The following CACNA1D variants were observed in gnomAD, a reference collection of about 807,000 sequenced individuals.
The protein encoded by CACNA1D is voltage-dependent L-type calcium channel subunit alpha-1D.
Under a neutral mutation model 257.1 loss-of-function variants are expected in CACNA1D, and 55 were observed. The observed-to-expected ratio is 0.21, with a 90% CI of 0.17 to 0.27. CACNA1D has a LOEUF of 0.27. Among genes scored for constraint, CACNA1D ranks in the 10% least tolerant of loss-of-function variants. The pLI, the probability that CACNA1D is intolerant of heterozygous loss-of-function variation, is 1.00. For synonymous variants in CACNA1D, 980 were observed against 1,014.9 expected, an observed-to-expected ratio of 0.97 and a Z score of 0.65; for missense variants, 1,876 against 2,784.0, an observed-to-expected ratio of 0.67 and a Z score of 7.34.
Position 53,722,609 on chromosome 3 carries a change from A to G in CACNA1D, c.1666+135A>G, listed in dbSNP as rs527395186. On this transcript the variant is annotated intron_variant, in intron 12 of 47. Coordinates refer to ENST00000350061, the MANE Select transcript of CACNA1D (RefSeq NM_001128840.3). ...TAGTGAGGACAAACTTGGTAGAACC[A>G]TCCAGACACAGCAACTACCAGAGCG... The G allele has an allele frequency of 1.4e-5, 13 of 921,320 alleles. No individual in the cohort carries two copies. In the East Asian group the frequency reaches 3.3e-4, roughly 23 times the overall value. 57.1% of individuals were successfully genotyped at this position (921,320 alleles called of 1,614,324 possible). A position where few individuals can be genotyped will look rare whatever the true frequency, so the allele number is the denominator to read the frequency against.
intron 3 of CACNA1D, among the ~76,000 whole-genome samples, chr3:53,529,274 T>G (rs2091870198): frequency 6.6e-6 from 1 of 152,198 alleles, no homozygotes; most frequent in African/African-American, 2.4e-5. Context: ...AATCATATGG[T>G]TTTTCTCCTT....
In CACNA1D at chr3:53,495,296, CTCCCCCT is replaced by C. The variant is rs1027541684; in HGVS notation, c.67+69_67+75del. The C allele has an allele frequency of 2.1e-5, 34 of 1,599,378 alleles. No individual in the cohort carries two copies. Among genetic ancestry groups the C allele is most frequent in the Non-Finnish European group, 2.7e-5 (32 of 1,168,612 alleles). On this transcript the variant is annotated intron_variant, in intron 1 of 47. Coordinates refer to ENST00000350061, the MANE Select transcript of CACNA1D (RefSeq NM_001128840.3). This position sits in a 1 kb window ranked among gnomAD's most constrained non-coding sequence, Gnocchi z 5.1. ...GATCCTGTCATGGTCCTCCAGCCCCCTCCCCCTTCCCCGCGGCGCTGGATGGGTTGAG... is the reference window on the plus strand; with the variant it reads ...GATCCTGTCATGGTCCTCCAGCCCCCTCCCCGCGGCGCTGGATGGGTTGAG...
At chr3:53,602,555 A>G (rs527937512) in intron 3 of CACNA1D, among the ~76,000 whole-genome samples, 2 of 152,306 alleles carry the variant, frequency 1.3e-5, no homozygotes, top group African/African-American at 4.8e-5. Context: ...GTGCTGTATT[A>G]ATTTATATGC....
intron 3 of CACNA1D, among the ~76,000 whole-genome samples, 154 bp downstream of exon 3, chr3:53,501,874 T>C (rs1057437409): frequency 6.6e-6 from 1 of 152,206 alleles, no homozygotes; most frequent in African/African-American, 2.4e-5. Context: ...GTTTGTTTGT[T>C]TGTTTTAACC....
At chr3:53,801,543 A>C (rs2095536056) in intron 42 of CACNA1D, 118 bp downstream of exon 42, 1 of 1,331,652 alleles carries the variant, frequency 7.5e-7, no homozygotes, top group Non-Finnish European at 1.1e-6. Flanking sequence ...GGTTCCCCGT[A>C]GGCATTTGTG....
intron 10 of CACNA1D, 71 bp from the exon 11 acceptor site, chr3:53,719,684 G>A: frequency 1.5e-6 from 2 of 1,363,798 alleles, no homozygotes; most frequent in Non-Finnish European, 2.1e-6. Flanking sequence ...TGATATCTCA[G>A]CTGAAATGAT....
At chr3:53,749,579 C>T in intron 27 of CACNA1D, 110 bp downstream of exon 27, 1 of 786,964 alleles carries the variant, frequency 1.3e-6, no homozygotes, top group South Asian at 1.4e-5. Context: ...TACTGTCTGT[C>T]CCTGGGGCTA....
chr3:53,689,360 TC>T (rs1277348658), intron 8 of CACNA1D, among the ~76,000 whole-genome samples: 1 of 151,768 alleles, frequency 6.6e-6, no homozygotes, highest in South Asian at 2.1e-4. Flanking sequence ...TTTTTTTTTT[TC>T]TTTAAGCTGC....
chr3:53,749,032 C>A, intron 26 of CACNA1D: 1 of 645,558 alleles, frequency 1.5e-6, no homozygotes, highest in Non-Finnish European at 2.8e-6. Context: ...TTTTGATTTT[C>A]AGTTCCTCAG....
rs1191158472 is a variant in CACNA1D at position 53,723,848 on chromosome 3, T to C, written c.1949T>C (p.Ile650Thr). The C allele has an allele frequency of 6.2e-7, 1 of 1,614,234 alleles. No individual in the cohort carries two copies. The change falls in exon 14 of 48, where the codon ATC becomes ACC. Residue 650 changes from isoleucine (I) to threonine (T), a missense_variant. Around this residue, in one of 10 missense-constraint regions of CACNA1D, gnomAD observed 257 missense variants for 399.7 expected, o/e 0.64. Transcript: ENST00000350061. This position sits in a 1 kb window ranked among gnomAD's most constrained non-coding sequence, Gnocchi z 5.6. The part of the protein sequence containing the change: ...VASLLNSMKS[I>T]ASLLLLLFLF... ...TCCTTATTAAACTCCATGAAGTCCA[T>C]CGCTTCGCTGTTGCTTCTGCTTTTT... is the stretch of plus-strand genomic sequence containing the variant.
chr3:53,733,323 C>T (rs923763531), intron 19 of CACNA1D, among the ~76,000 whole-genome samples: 46 of 152,314 alleles, frequency 3.0e-4, no homozygotes, highest in African/African-American at 1.0e-3. Context: ...CATGCTTCGG[C>T]CAGCCGTGGA....
At chr3:53,807,261 CCACAG>C (rs1277339475) in intron 45 of CACNA1D, among the ~76,000 whole-genome samples, 1 of 152,246 alleles carries the variant, frequency 6.6e-6, no homozygotes, top group African/African-American at 2.4e-5. Flanking sequence ...AACCTATGCT[CCACAG>C]CACAGTTGGC....
intron 45 of CACNA1D, among the ~76,000 whole-genome samples, chr3:53,806,053 C>G (rs2095563639): frequency 6.9e-6 from 1 of 144,202 alleles, no homozygotes; most frequent in Non-Finnish European, 1.5e-5. Flanking sequence ...ATGTTCCCTC[C>G]TCCTCCTCCC....
Position 53,811,297 on chromosome 3 carries a change from A to G in CACNA1D, c.6377A>G (p.Gln2126Arg). ...NGDVGPLSHRQDYELQDFGPG... is the reference protein window; with the variant it reads ...NGDVGPLSHRRDYELQDFGPG... Reference sequence around the variant, plus strand: ...GATGTGGGCCCCCTCTCACACCGGCAGGACTATGAGCTACAGGACTTTGGT... The same window carrying G: ...GATGTGGGCCCCCTCTCACACCGGCGGGACTATGAGCTACAGGACTTTGGT... The change falls in exon 48 of 48, where the codon CAG (glutamine) becomes CGG (arginine). Residue 2126 changes from glutamine to arginine, a missense_variant. This residue lies in a region of CACNA1D where 491 missense variants were observed against 554.3 expected (regional missense o/e 0.89). Transcript: ENST00000350061. This position sits in a 1 kb window ranked among gnomAD's most constrained non-coding sequence, Gnocchi z 4.2. 1 of 1,613,768 alleles carries G rather than the reference A, an allele frequency of 6.2e-7. No homozygotes were observed. Among genetic ancestry groups the G allele is most frequent in the South Asian group, 1.1e-5 (1 of 91,066 alleles).
At chr3:53,757,912 G>A (rs1490020882) in intron 29 of CACNA1D, among the ~76,000 whole-genome samples, 2 of 152,176 alleles carry the variant, frequency 1.3e-5, no homozygotes, top group African/African-American at 4.8e-5. Flanking sequence ...ATGCACCATC[G>A]TTACCAACAC....
At chr3:53,644,260 C>A (rs1338101258) in intron 3 of CACNA1D, among the ~76,000 whole-genome samples, 1 of 152,102 alleles carries the variant, frequency 6.6e-6, no homozygotes. Context: ...GCATACACTG[C>A]GGAATGGCTA....
At chr3:53,512,458 A>G (rs952396481) in intron 3 of CACNA1D, among the ~76,000 whole-genome samples, 7 of 152,184 alleles carry the variant, frequency 4.6e-5, no homozygotes, top group Non-Finnish European at 7.3e-5. Flanking sequence ...CCTGGTTTTG[A>G]TTGACCCTGA....
chr3:53,556,205 C>G (rs1285562774), intron 3 of CACNA1D, among the ~76,000 whole-genome samples: 1 of 152,090 alleles, frequency 6.6e-6, no homozygotes, highest in Non-Finnish European at 1.5e-5. Flanking sequence ...TGGGTTATTT[C>G]CAGTTTCTGG....
intron 8 of CACNA1D, among the ~76,000 whole-genome samples, chr3:53,699,681 A>G (rs1371086008): frequency 2.6e-5 from 4 of 152,348 alleles, no homozygotes; most frequent in Middle Eastern, 3.4e-3. Flanking sequence ...TGTCCACATC[A>G]ATAAATAATA....
Sources: allele counts gnomAD v4.1 joint callset (sites outside exome capture counted in the v4.1 genomes callset), GRCh38; gene constraint gnomAD v4.1.1; regional missense constraint gnomAD v4.1.1; non-coding constraint Gnocchi (gnomAD v3.1); transcripts MANE v1.5; gene names NCBI Gene and HGNC (gene_info 2026-07-23, HGNC 2026-07-21).